MACROD2: variants seen among roughly 807,000 people sequenced by gnomAD.
MACROD2 encodes the protein mono-ADP ribosylhydrolase 2.
In MACROD2, 36 loss-of-function variants were observed where a neutral mutation model predicts 70.4. That is an observed-to-expected ratio of 0.51 (90% CI 0.39 to 0.68). MACROD2 has a LOEUF of 0.68. Ranked by LOEUF, MACROD2 falls within the 30% of genes least tolerant of loss-of-function variation. The pLI, the probability that MACROD2 is intolerant of heterozygous loss-of-function variation, is 0.00. For missense variants in MACROD2, 496 were observed against 538.4 expected (o/e 0.92, Z 0.78); for synonymous variants, 172 against 178.8 (o/e 0.96, Z 0.30).
intron 8 of MACROD2, among the ~76,000 whole-genome samples, chr20:15,676,051 T>A (rs2050052674): frequency 6.6e-6 from 1 of 152,192 alleles, no homozygotes; most frequent in African/African-American, 2.4e-5. Flanking sequence ...AGGAAGCAAT[T>A]TGCTGCTTTT....
intron 5 of MACROD2, among the ~76,000 whole-genome samples, chr20:14,989,842 G>A (rs930898479): frequency 6.6e-6 from 1 of 152,118 alleles, no homozygotes; most frequent in Non-Finnish European, 1.5e-5. Flanking sequence ...AGCTTCTGCA[G>A]CTATTTCAAC....
chr20:14,934,876 T>G (rs925686773), intron 5 of MACROD2: 4 of 152,106 alleles, frequency 2.6e-5, no homozygotes, highest in Non-Finnish European at 2.9e-5. Context: ...AGAGGGACTG[T>G]GACCTTTCAG....
chr20:15,192,502 G>C (rs116773517), intron 5 of MACROD2, among the ~76,000 whole-genome samples: 1 of 152,112 alleles, frequency 6.6e-6, no homozygotes, highest in Non-Finnish European at 1.5e-5. Flanking sequence ...TGAGGCAAAC[G>C]TGCTCCTACC....
chr20:14,011,549 A>G (rs941930238), intron 2 of MACROD2, among the ~76,000 whole-genome samples: 2 of 150,618 alleles, frequency 1.3e-5, no homozygotes, highest in African/African-American at 4.9e-5. Context: ...TTTTTGTAAG[A>G]CGGAGTCTTG....
At chr20:14,047,448 C>A (rs1243594782) in intron 2 of MACROD2, among the ~76,000 whole-genome samples, 15 of 113,096 alleles carry the variant, frequency 1.3e-4, no homozygotes. Context: ...GAGCGAGACT[C>A]CGTCTCAAAA....
chr20:14,434,601 T>C (rs925569834), intron 3 of MACROD2, among the ~76,000 whole-genome samples: 6 of 152,198 alleles, frequency 3.9e-5, no homozygotes, highest in Admixed American at 2.0e-4. Flanking sequence ...TCAAGCACAT[T>C]GCTCCATCAG....
chr20:14,036,568 A>G (rs1040570857), intron 2 of MACROD2, among the ~76,000 whole-genome samples: 8 of 152,230 alleles, frequency 5.3e-5, no homozygotes, highest in African/African-American at 1.9e-4. Context: ...CATGCCTTAT[A>G]CAAAGGTAAC....
chr20:14,481,831 G>T (rs2084667075), intron 3 of MACROD2, among the ~76,000 whole-genome samples: 2 of 152,122 alleles, frequency 1.3e-5, no homozygotes, highest in Admixed American at 1.3e-4. Context: ...TTCCCAATTT[G>T]CAAGATTATT....
At chr20:15,911,279 G>T (rs1304910545) in intron 10 of MACROD2, among the ~76,000 whole-genome samples, 1 of 152,180 alleles carries the variant, frequency 6.6e-6, no homozygotes, top group East Asian at 1.9e-4. Context: ...GAAAACAGGG[G>T]AAGTATCAAC....
rs145684062 is a variant in MACROD2 at position 14,399,168 on chromosome 20, C to T, written c.272-94311C>T. The stretch of plus-strand genomic sequence containing the variant: ...CCGAGTAGCTGGGACTATAGGCACA[C>T]GCCACCACAACCGGCTAGGTTTTCT... On this transcript the variant is annotated intron_variant, in intron 3 of 17. Coordinates refer to ENST00000684519, the MANE Select transcript of MACROD2 (RefSeq NM_001351661.2). Among the ~76,000 whole-genome samples the T allele has an allele frequency of 4.2e-3, 646 of 152,066 alleles. 4 individuals carry two copies. The highest frequency in any genetic ancestry group is 0.014 in the Middle Eastern group (4 of 294).
intron 3 of MACROD2, among the ~76,000 whole-genome samples, chr20:14,294,761 T>C (rs778343338): frequency 1.3e-5 from 2 of 151,868 alleles, no homozygotes; most frequent in Non-Finnish European, 2.9e-5. Context: ...TTGGCAAATA[T>C]GGAGCTCTTT....
At chr20:15,792,710 T>C (rs1025342107) in intron 8 of MACROD2, among the ~76,000 whole-genome samples, 9 of 152,142 alleles carry the variant, frequency 5.9e-5, no homozygotes, top group African/African-American at 2.2e-4. Flanking sequence ...TAATACATTG[T>C]TGCTTGAGGT....
chr20:15,984,105 A>G (rs928043629), intron 13 of MACROD2, among the ~76,000 whole-genome samples: 1 of 138,268 alleles, frequency 7.2e-6, no homozygotes, highest in Non-Finnish European at 1.7e-5. Context: ...ATAAGGTAAG[A>G]TTTTATAGAC....
chr20:15,856,101 C>A (rs1164433722), intron 8 of MACROD2, among the ~76,000 whole-genome samples: 3 of 152,056 alleles, frequency 2.0e-5, no homozygotes, highest in South Asian at 2.1e-4. Flanking sequence ...CTATGTACTG[C>A]CAAATAATTT....
intron 6 of MACROD2, among the ~76,000 whole-genome samples, chr20:15,247,484 AT>A (rs562972204): frequency 1.3e-5 from 2 of 152,152 alleles, no homozygotes; most frequent in East Asian, 3.9e-4. Context: ...ACAAAAAAGT[AT>A]TTTTTTAAAT....
chr20:14,052,027 T>C (rs905710512), intron 2 of MACROD2: 1 of 443,950 alleles, frequency 2.3e-6, no homozygotes, highest in Non-Finnish European at 4.5e-6. Flanking sequence ...ACAGGTATTC[T>C]TCTTACATAT....
intron 5 of MACROD2, among the ~76,000 whole-genome samples, chr20:14,832,046 T>G (rs1320669767): frequency 8.0e-6 from 1 of 125,054 alleles, no homozygotes. Flanking sequence ...TTTTTTTTTT[T>G]TTTTTTTTTT....
chr20:15,849,730 T>C (rs1418120584), intron 8 of MACROD2, among the ~76,000 whole-genome samples: 1 of 152,178 alleles, frequency 6.6e-6, no homozygotes, highest in Non-Finnish European at 1.5e-5. Context: ...CAGATATTCT[T>C]AATCAAATAA....
In MACROD2 at chr20:14,666,101, C is replaced by T. The variant is rs111286271; in HGVS notation, c.302-18742C>T. Among the ~76,000 whole-genome samples, 4 of 152,116 alleles carry T rather than the reference C, an allele frequency of 2.6e-5. 1 individual carries two copies. The South Asian group carries it at 6.2e-4, about 24-fold the overall frequency. On this transcript the variant is annotated intron_variant, in intron 4 of 17. Transcript: ENST00000684519. Reference sequence around the variant, plus strand: ...TGGCCCGTGAGGCATGGTTTTATGACTCTGCTGAAATCTCAGCCTCCTGCT... The same window carrying T: ...TGGCCCGTGAGGCATGGTTTTATGATTCTGCTGAAATCTCAGCCTCCTGCT...
Sources: gnomAD v4.1 joint callset for allele counts (sites outside exome capture counted in the v4.1 genomes callset) on GRCh38, gnomAD v4.1.1 for gene constraint, MANE v1.5 for transcripts, NCBI Gene and HGNC (gene_info 2026-07-23, HGNC 2026-07-21) for gene names.